Variants in ZNF239 observed in about 807,000 individuals in gnomAD.
ZNF239 encodes zinc finger protein (C2H2) homologous to mouse MOK-2.
In ZNF239, 16 loss-of-function variants were observed where a neutral mutation model predicts 27.5. The observed-to-expected ratio is 0.58, with a 90% CI of 0.39 to 0.88. The LOEUF (loss-of-function observed/expected upper bound fraction) is 0.88. ZNF239 is among the 40% of genes least tolerant of loss of function. The pLI, the probability that ZNF239 is intolerant of heterozygous loss-of-function variation, is 0.00. For synonymous variants in ZNF239, 199 were observed against 192.6 expected (o/e 1.03, Z -0.27); for missense variants, 527 against 551.9 (o/e 0.95, Z 0.45).
At chr10:43,566,307 T>C (rs1271705361) in intron 3 of ZNF239, among the ~76,000 whole-genome samples, 2 of 152,124 alleles carry the variant, frequency 1.3e-5, no homozygotes, top group African/African-American at 2.4e-5. Context: ...TTTTTTTTTT[T>C]TGACAGGGTC....
intron 2 of ZNF239, 150 bp from the exon 3 acceptor site, chr10:43,568,171 T>C: frequency 1.0e-6 from 1 of 985,534 alleles, no homozygotes; most frequent in Non-Finnish European, 1.2e-6. Flanking sequence ...CAAGTTTTGT[T>C]GGAAAGTCTT....
chr10:43,570,375 G>A (rs1837953027), intron 2 of ZNF239: 1 of 985,202 alleles, frequency 1.0e-6, no homozygotes, highest in African/African-American at 1.7e-5. Context: ...ACATCCTTTA[G>A]CAAGGCATGA....
intron 3 of ZNF239, among the ~76,000 whole-genome samples, chr10:43,562,224 T>C (rs1236721137): frequency 6.6e-6 from 1 of 152,242 alleles, no homozygotes; most frequent in East Asian, 1.9e-4. Flanking sequence ...TAAAGGATAC[T>C]GAGGTACCAT....
Position 43,567,941 on chromosome 10 carries a change from C to G in ZNF239, c.-135G>C. 8 of 985,916 alleles carry G rather than the reference C, an allele frequency of 8.1e-6. No individual in the cohort carries two copies. The highest frequency in any genetic ancestry group is 9.6e-6 in the Non-Finnish European group (8 of 830,002). 61.1% of individuals were successfully genotyped at this position (985,916 alleles called of 1,614,324 possible). A position where few individuals can be genotyped will look rare whatever the true frequency, so the allele number is the denominator to read the frequency against. ...AGTTGCCCAGCATCACAGCTCCGCACAGCTTCCTGGGAGCAGAGTCCAGGT... is the reference window on the plus strand; with the variant it reads ...AGTTGCCCAGCATCACAGCTCCGCAGAGCTTCCTGGGAGCAGAGTCCAGGT... On this transcript the variant is annotated 5_prime_UTR_variant, in exon 3 of 4. Coordinates refer to ENST00000374446, the MANE Select transcript of ZNF239 (RefSeq NM_001099282.2).
At position 43,556,809 on chromosome 10, in the gene ZNF239, A is replaced by T. The variant is rs756739243; in HGVS notation, c.1271T>A (p.Val424Glu). ...CTCATAGGGCTTCTCTCCAGTATGT[A>T]CTCTCTGGTGGATGAGGAGTTTGGA... is the stretch of plus-strand genomic sequence containing the variant. ...QSSKLLIHQR[V>E]HTGEKPYECS... is the part of the protein sequence containing the mutation. Residue 424 changes from valine to glutamate, a missense_variant, in exon 4 of 4, where the codon GTA (valine) becomes GAA (glutamate). Coordinates refer to ENST00000374446, the MANE Select transcript of ZNF239 (RefSeq NM_001099282.2). The T allele has an allele frequency of 1.9e-6, 3 of 1,613,462 alleles. No individual in the cohort carries two copies. The African/African-American group carries it at 4.0e-5, about 22-fold the overall frequency.
intron 2 of ZNF239, chr10:43,570,112 A>C (rs1837935266): frequency 1.1e-6 from 1 of 938,440 alleles, no homozygotes; most frequent in African/African-American, 1.8e-5. Context: ...CTTTGGCCTG[A>C]GGCTAAAGAG....
intron 3 of ZNF239, among the ~76,000 whole-genome samples, chr10:43,567,366 A>G (rs1837739276): frequency 6.6e-6 from 1 of 152,068 alleles, no homozygotes; most frequent in Non-Finnish European, 1.5e-5. Context: ...ATGTGGGGAA[A>G]GGCAGGAGTA....
rs771626528 is a variant in ZNF239 at position 43,558,000 on chromosome 10, A to G, written c.80T>C (p.Ile27Thr). The G allele has an allele frequency of 3.3e-5, 53 of 1,614,052 alleles. No homozygotes were observed. The Admixed American group carries it at 8.2e-4, about 25-fold the overall frequency. ...GEVDGEPELD[I>T]SPCQQWGEAS... ...TTCTCCCCACTGTTGACAAGGGGAA[A>G]TATCTAGTTCAGGCTCCCCATCCAC... is the stretch of plus-strand genomic sequence containing the variant. Residue 27 changes from isoleucine (I) to threonine (T), a missense_variant, in exon 4 of 4, where the codon ATT (isoleucine) becomes ACT (threonine). Physicochemically the swap from Ile to Thr is moderately conservative, Grantham distance 89. Transcript: ENST00000374446.
At chr10:43,561,334 A>ACAAC (rs1837234995) in intron 3 of ZNF239, among the ~76,000 whole-genome samples, 1 of 150,846 alleles carries the variant, frequency 6.6e-6, no homozygotes, top group Non-Finnish European at 1.5e-5. Context: ...CTTCAAGGAA[A>ACAAC]AAACAAACAA....
intron 2 of ZNF239, among the ~76,000 whole-genome samples, chr10:43,572,528 T>C (rs1838095587): frequency 6.6e-6 from 1 of 152,218 alleles, no homozygotes; most frequent in Non-Finnish European, 1.5e-5. Flanking sequence ...TGATGACCTG[T>C]TTAGTTAATG....
intron 2 of ZNF239, chr10:43,570,883 AG>A (rs1837986885): frequency 6.1e-6 from 6 of 985,390 alleles, no homozygotes; most frequent in Non-Finnish European, 7.2e-6. Context: ...GAGAAGGGAA[AG>A]GATATGTTGG....
At chr10:43,570,034 A>AAAAGT in intron 2 of ZNF239, 1 of 351,516 alleles carries the variant, frequency 2.8e-6, no homozygotes, top group South Asian at 1.1e-4. Context: ...GCACAATTTC[A>AAAAGT]AAAGTAAAGT....
intron 3 of ZNF239, among the ~76,000 whole-genome samples, chr10:43,562,377 T>C (rs1837317674): frequency 6.6e-6 from 1 of 152,232 alleles, no homozygotes; most frequent in African/African-American, 2.4e-5. Flanking sequence ...CTTAGAGTTT[T>C]ACTCTTCAGA....
rs959840221 is a variant in ZNF239 at position 43,568,355 on chromosome 10, C to G, written c.-215-334G>C. 4 of 985,326 alleles carry G rather than the reference C, an allele frequency of 4.1e-6. No homozygotes were observed. In the African/African-American group the frequency reaches 7.0e-5, roughly 17 times the overall value. 61.0% of individuals were successfully genotyped at this position (985,326 alleles called of 1,614,324 possible). ...ATTATCCTGACAACCTTAACACTCG[C>G]AGGAACAATTTACCCAACACTCTGA... On this transcript the variant is annotated intron_variant, in intron 2 of 3. Transcript: ENST00000374446.
chr10:43,563,771 T>C (rs1353630223), intron 3 of ZNF239, among the ~76,000 whole-genome samples: 1 of 152,134 alleles, frequency 6.6e-6, no homozygotes, highest in Non-Finnish European at 1.5e-5. Flanking sequence ...CATTCCTTGA[T>C]ACAATGGCTG....
intron 2 of ZNF239, 60 bp from the exon 3 acceptor site, chr10:43,568,081 T>TGG: frequency 1.0e-6 from 1 of 985,782 alleles, no homozygotes; most frequent in Non-Finnish European, 1.2e-6. Context: ...GCCCTGCAAG[T>TGG]GGGGTGAAGT....
intron 2 of ZNF239, chr10:43,570,225 G>A: frequency 1.0e-6 from 1 of 985,216 alleles, no homozygotes; most frequent in Non-Finnish European, 1.2e-6. Flanking sequence ...GGTAAGGATG[G>A]GTGCTGTCTC....
chr10:43,564,103 G>A (rs959029095), intron 3 of ZNF239: 2 of 162,058 alleles, frequency 1.2e-5, no homozygotes, highest in Non-Finnish European at 2.6e-5. Context: ...GTCTCTTCTT[G>A]CATGGTTCTC....
chr10:43,565,125 C>T (rs746638180), intron 3 of ZNF239, among the ~76,000 whole-genome samples: 2 of 152,144 alleles, frequency 1.3e-5, no homozygotes, highest in Non-Finnish European at 2.9e-5. Flanking sequence ...ACTCTGTCAA[C>T]CAGGCTGGAG....
Sources: allele counts gnomAD v4.1 joint callset (sites outside exome capture counted in the v4.1 genomes callset), GRCh38; gene constraint gnomAD v4.1.1; transcripts MANE v1.5; gene names NCBI Gene and HGNC (gene_info 2026-07-23, HGNC 2026-07-21).